FAM151B: variants seen among roughly 807,000 people sequenced by gnomAD.
FAM151B encodes family with sequence similarity 151 member B.
In FAM151B, 24 loss-of-function variants were observed where a neutral mutation model predicts 31.2. The ratio of observed to expected loss-of-function variants is 0.77; its 90% CI spans 0.56 to 1.08. FAM151B has a LOEUF of 1.08. Among genes scored for constraint, FAM151B ranks in the 50% least tolerant of loss-of-function variants. The pLI is 0.00. For synonymous variants in FAM151B, 105 were observed against 111.4 expected (o/e 0.94, Z 0.36); for missense variants, 293 against 328.6 (o/e 0.89, Z 0.84).
At chr5:80,495,966 G>A (rs1242429619) in intron 1 of FAM151B, among the ~76,000 whole-genome samples, 1 of 151,864 alleles carries the variant, frequency 6.6e-6, no homozygotes, top group Non-Finnish European at 1.5e-5. Flanking sequence ...TTATGTATGA[G>A]CAAAGACAGT....
At chr5:80,538,479 T>TTTCCTTCC (rs1437010967) in intron 5 of FAM151B, among the ~76,000 whole-genome samples, 2 of 92,420 alleles carry the variant, frequency 2.2e-5, no homozygotes, top group Admixed American at 1.2e-4. Context: ...TCTTTCTTTC[T>TTTCCTTCC]TTCTTTCCTT....
chr5:80,489,430 A>G (rs1200752135), intron 1 of FAM151B, among the ~76,000 whole-genome samples: 1 of 152,122 alleles, frequency 6.6e-6, no homozygotes, highest in Non-Finnish European at 1.5e-5. Context: ...TTCTCAGTAT[A>G]AATCCTTTTA....
rs370887676 is a variant in FAM151B at position 80,531,692 on chromosome 5, G to A, written c.671+9554G>A. Among the ~76,000 whole-genome samples the A allele has an allele frequency of 1.6e-4, 24 of 152,088 alleles. No homozygotes were observed. In the South Asian group the frequency reaches 1.7e-3, roughly 10 times the overall value. On this transcript the variant is annotated intron_variant, in intron 5 of 5. Transcript: ENST00000282226. Reference sequence around the variant, plus strand: ...CACATCAAAACCACAATGAGAAACCGTCTCACATCAGTTAGAATGGCAATC... The same window carrying A: ...CACATCAAAACCACAATGAGAAACCATCTCACATCAGTTAGAATGGCAATC...
At chr5:80,499,013 G>GAA (rs201109845) in intron 1 of FAM151B, 38 of 147,348 alleles carry the variant, frequency 2.6e-4, no homozygotes, top group South Asian at 9.7e-4. Context: ...ATGGCAGATG[G>GAA]AAAAAAAAAA....
Position 80,510,224 on chromosome 5 carries a change from G to T in FAM151B, c.152-3380G>T, listed in dbSNP as rs78106273. 4.3e-3 allele frequency among the ~76,000 whole-genome samples: 657 copies of T among 152,276 alleles called. 3 individuals are homozygous for T. Among genetic ancestry groups the T allele is most frequent in the Middle Eastern group, 0.01 (3 of 294 alleles). Reference sequence around the variant, plus strand: ...ACGGGCTTAGGACGTTCATGTAGCTGCATTCAGCTGGGTGCCCAGCTGGGC... The same window carrying T: ...ACGGGCTTAGGACGTTCATGTAGCTTCATTCAGCTGGGTGCCCAGCTGGGC... On this transcript the variant is annotated intron_variant, in intron 2 of 5. Coordinates refer to ENST00000282226, the MANE Select transcript of FAM151B (RefSeq NM_205548.3).
intron 1 of FAM151B, among the ~76,000 whole-genome samples, chr5:80,494,469 TTTCTTTCTTTC>T (rs1743445819): frequency 6.3e-5 from 3 of 47,430 alleles, no homozygotes; most frequent in East Asian, 5.8e-4. Context: ...TCTTTCTTTC[TTTCTTTCTTTC>T]TTTCTTTCTT....
intron 1 of FAM151B, chr5:80,498,455 G>A: frequency 4.0e-6 from 2 of 496,214 alleles, no homozygotes; most frequent in African/African-American, 2.0e-5. Context: ...GCCATTTTTA[G>A]GTTTAAGGTT....
intron 5 of FAM151B, among the ~76,000 whole-genome samples, chr5:80,532,017 GA>G (rs371204588): frequency 0.11 from 15,987 of 152,024 alleles, 1,342 homozygotes; most frequent in African/African-American, 0.23. Context: ...ACTGGATTAA[GA>G]AAATGTGGCA....
intron 5 of FAM151B, among the ~76,000 whole-genome samples, chr5:80,530,399 G>C (rs1360730075): frequency 2.0e-5 from 3 of 152,074 alleles, no homozygotes; most frequent in Non-Finnish European, 4.4e-5. Flanking sequence ...AATCAGGCAG[G>C]AGAAGGAAAT....
At chr5:80,506,463 T>C (rs1743969815) in intron 2 of FAM151B, among the ~76,000 whole-genome samples, 1 of 152,106 alleles carries the variant, frequency 6.6e-6, no homozygotes, top group South Asian at 2.1e-4. Flanking sequence ...CCCCTGGACT[T>C]TTAGTTATTT....
chr5:80,513,485 T>A (rs1744277501), intron 2 of FAM151B, 119 bp from the exon 3 acceptor site: 2 of 943,148 alleles, frequency 2.1e-6, no homozygotes, highest in Admixed American at 2.9e-5. Context: ...AATCGCTCAC[T>A]GAGTGTTACT....
chr5:80,488,254 C>G, intron 1 of FAM151B, 106 bp downstream of exon 1: 1 of 1,363,388 alleles, frequency 7.3e-7, no homozygotes, highest in Non-Finnish European at 9.8e-7. Context: ...TGCTAGGGAC[C>G]TGGGAGCGCG....
At chr5:80,497,289 A>G (rs1316985923) in intron 1 of FAM151B, among the ~76,000 whole-genome samples, 2 of 151,916 alleles carry the variant, frequency 1.3e-5, no homozygotes, top group East Asian at 3.9e-4. Context: ...AGCCGATGTG[A>G]TGGTAATCTC....
intron 5 of FAM151B, among the ~76,000 whole-genome samples, chr5:80,538,992 C>CTTTT (rs11309479): frequency 8.5e-6 from 1 of 117,104 alleles, no homozygotes; most frequent in African/African-American, 3.2e-5. Context: ...TTTCCTTCCT[C>CTTTT]TTTTTTTTTT....
At chr5:80,513,313 T>G (rs1351807636) in intron 2 of FAM151B, among the ~76,000 whole-genome samples, 1 of 152,228 alleles carries the variant, frequency 6.6e-6, no homozygotes, top group Non-Finnish European at 1.5e-5. Context: ...CCTTTCATTA[T>G]GTATGTACTT....
At chr5:80,515,650 G>GT (rs1471298159) in intron 3 of FAM151B, among the ~76,000 whole-genome samples, 2 of 152,036 alleles carry the variant, frequency 1.3e-5, no homozygotes, top group African/African-American at 2.4e-5. Flanking sequence ...GATTTTGCAA[G>GT]TTTTTTTTAA....
intron 3 of FAM151B, among the ~76,000 whole-genome samples, chr5:80,514,800 A>G (rs1744345663): frequency 6.6e-6 from 1 of 152,178 alleles, no homozygotes; most frequent in Non-Finnish European, 1.5e-5. Context: ...AGGATTCTTA[A>G]GATGACTCTA....
intron 5 of FAM151B, among the ~76,000 whole-genome samples, chr5:80,530,140 A>G (rs888719567): frequency 2.0e-5 from 3 of 152,148 alleles, no homozygotes; most frequent in South Asian, 2.1e-4. Flanking sequence ...AAAACCACAT[A>G]ATTATCTCAA....
intron 2 of FAM151B, among the ~76,000 whole-genome samples, chr5:80,502,466 A>G (rs1743781889): frequency 6.6e-6 from 1 of 152,238 alleles, no homozygotes; most frequent in Non-Finnish European, 1.5e-5. Flanking sequence ...AAGGCATTGT[A>G]TACCAATTTA....
Sources: allele counts gnomAD v4.1 joint callset (sites outside exome capture counted in the v4.1 genomes callset), GRCh38; gene constraint gnomAD v4.1.1; transcripts MANE v1.5; gene names NCBI Gene and HGNC (gene_info 2026-07-23, HGNC 2026-07-21).